The following BLK variants were observed in gnomAD, a reference collection of about 807,000 sequenced individuals.
The protein encoded by BLK is tyrosine-protein kinase Blk.
A neutral mutation model predicts 61.8 loss-of-function variants in BLK; 64 were observed. The ratio of observed to expected loss-of-function variants is 1.03; its 90% CI spans 0.85 to 1.27. The LOEUF (loss-of-function observed/expected upper bound fraction) is 1.27, where lower values mean the gene tolerates loss of function less well. BLK is among the 50% of genes most tolerant of loss of function. The pLI is 0.00. For missense variants in BLK, 853 were observed against 660.5 expected, an observed-to-expected ratio of 1.29 and a Z score of -3.19; for synonymous variants, 351 against 272.0, an observed-to-expected ratio of 1.29 and a Z score of -2.86.
At chr8:11,527,648 T>C (rs1163926108) in intron 1 of BLK, among the ~76,000 whole-genome samples, 2 of 151,826 alleles carry the variant, frequency 1.3e-5, no homozygotes, top group Admixed American at 1.3e-4. Context: ...GTAAAAGAAA[T>C]CGTAGGGGTG....
At chr8:11,511,219 C>G (rs938517752) in intron 1 of BLK, among the ~76,000 whole-genome samples, 2 of 152,112 alleles carry the variant, frequency 1.3e-5, no homozygotes, top group South Asian at 2.1e-4. Context: ...GAATACAGCT[C>G]GGTCTTTTGT....
At chr8:11,541,788 G>A (rs1054891866) in intron 1 of BLK, among the ~76,000 whole-genome samples, 7 of 152,042 alleles carry the variant, frequency 4.6e-5, no homozygotes, top group East Asian at 3.8e-4. Flanking sequence ...GTGAGCCACC[G>A]TGCCCAGCCA....
chr8:11,541,791 C>G (rs533406008), intron 1 of BLK, among the ~76,000 whole-genome samples: 1 of 152,158 alleles, frequency 6.6e-6, no homozygotes, highest in Non-Finnish European at 1.5e-5. Flanking sequence ...AGCCACCGTG[C>G]CCAGCCAAAC....
intron 1 of BLK, among the ~76,000 whole-genome samples, chr8:11,495,357 C>T (rs1460060978): frequency 1.3e-5 from 2 of 152,176 alleles, no homozygotes; most frequent in African/African-American, 2.4e-5. Context: ...CCTCCTCCCT[C>T]GGGAGAGTGG....
At chr8:11,523,539 C>A (rs779292247) in intron 1 of BLK, among the ~76,000 whole-genome samples, 2 of 152,000 alleles carry the variant, frequency 1.3e-5, no homozygotes, top group South Asian at 4.2e-4. Context: ...GATGGCAGAG[C>A]AAGACTCCAT....
At chr8:11,502,251 C>A (rs1798591464) in intron 1 of BLK, among the ~76,000 whole-genome samples, 1 of 152,042 alleles carries the variant, frequency 6.6e-6, no homozygotes, top group African/African-American at 2.4e-5. Context: ...TTGTATAATT[C>A]AACTTTAATT....
chr8:11,543,775 G>C (rs1260024238), intron 2 of BLK, among the ~76,000 whole-genome samples: 1 of 152,050 alleles, frequency 6.6e-6, no homozygotes, highest in Non-Finnish European at 1.5e-5. Flanking sequence ...CTCACCTCCC[G>C]AGCAGGCTCT....
chr8:11,544,008 G>A (rs187803980), intron 2 of BLK, among the ~76,000 whole-genome samples: 216 of 151,444 alleles, frequency 1.4e-3, no homozygotes, highest in African/African-American at 4.9e-3. Flanking sequence ...TGCTGCCCAG[G>A]CTGGAGTGCA....
chr8:11,537,239 A>G (rs917989370), intron 1 of BLK, among the ~76,000 whole-genome samples: 4 of 152,128 alleles, frequency 2.6e-5, no homozygotes, highest in African/African-American at 7.2e-5. Flanking sequence ...CATTTACAAG[A>G]TGAGTATAGC....
chr8:11,537,940 C>G (rs565500574), intron 1 of BLK, among the ~76,000 whole-genome samples: 1 of 152,240 alleles, frequency 6.6e-6, no homozygotes, highest in East Asian at 1.9e-4. Context: ...ATTAGAGGGC[C>G]TAGCTGGTTT....
chr8:11,563,525 G>C (rs990873957), intron 12 of BLK, among the ~76,000 whole-genome samples: 81 of 152,288 alleles, frequency 5.3e-4, no homozygotes, highest in African/African-American at 1.8e-3. Context: ...CCAGCCACTT[G>C]GCCCCCACAG....
intron 1 of BLK, among the ~76,000 whole-genome samples, chr8:11,532,547 T>A (rs1263737907): frequency 6.6e-6 from 1 of 152,172 alleles, no homozygotes; most frequent in Non-Finnish European, 1.5e-5. Context: ...GTATTTTTTT[T>A]AATCTCTAGG....
intron 1 of BLK, among the ~76,000 whole-genome samples, chr8:11,540,267 A>G (rs891813208): frequency 6.6e-6 from 1 of 152,142 alleles, no homozygotes. Flanking sequence ...TTTTCCTAAT[A>G]CCATTTATTA....
intron 1 of BLK, among the ~76,000 whole-genome samples, chr8:11,513,150 G>A (rs1396900493): frequency 6.6e-6 from 1 of 152,068 alleles, no homozygotes; most frequent in Non-Finnish European, 1.5e-5. Flanking sequence ...GGCCTAGATT[G>A]GTCTCTGGCC....
At chr8:11,530,407 A>AGC (rs1263976364) in intron 1 of BLK, among the ~76,000 whole-genome samples, 5 of 152,216 alleles carry the variant, frequency 3.3e-5, no homozygotes, top group African/African-American at 1.2e-4. Context: ...GGCTTTCATC[A>AGC]TCTCTGTAGG....
At chr8:11,547,389 C>T (rs1800693545) in intron 3 of BLK, among the ~76,000 whole-genome samples, 1 of 152,200 alleles carries the variant, frequency 6.6e-6, no homozygotes, top group African/African-American at 2.4e-5. Context: ...CCTGTGGCTC[C>T]CAGAGCTGTG....
At chr8:11,503,856 C>A (rs564535030) in intron 1 of BLK, among the ~76,000 whole-genome samples, 5 of 152,154 alleles carry the variant, frequency 3.3e-5, no homozygotes, top group African/African-American at 4.8e-5. Context: ...TGGTCAAGTG[C>A]ATCTTTCCAG....
intron 6 of BLK, chr8:11,552,948 A>C (rs1800980229): frequency 6.5e-6 from 1 of 154,208 alleles, no homozygotes; most frequent in South Asian, 2.0e-4. Context: ...ACATATACAC[A>C]CATGTGCATA....
At position 11,527,819 on chromosome 8, in the gene BLK, A is replaced by T. The variant is rs1035767110; in HGVS notation, c.-1-15405A>T. Among the ~76,000 whole-genome samples, 98 of 152,202 alleles carry T rather than the reference A, an allele frequency of 6.4e-4. 2 individuals carry two copies. Among genetic ancestry groups the T allele is most frequent in the African/African-American group, 2.3e-3 (95 of 41,506 alleles). ...CAAAAGACCAATCTTAGGTTCTGCAATAGTGATGTTATCTACAGGACCAAA... is the reference window on the plus strand; with the variant it reads ...CAAAAGACCAATCTTAGGTTCTGCATTAGTGATGTTATCTACAGGACCAAA... On this transcript the variant is annotated intron_variant, in intron 1 of 12. Transcript: ENST00000259089.
Sources: allele counts gnomAD v4.1 joint callset (sites outside exome capture counted in the v4.1 genomes callset), GRCh38; gene constraint gnomAD v4.1.1; transcripts MANE v1.5; gene names NCBI Gene and HGNC (gene_info 2026-07-23, HGNC 2026-07-21).